The following LSM1 variants were observed in gnomAD, a reference collection of about 807,000 sequenced individuals.
LSM1 encodes U6 snRNA-associated Sm-like protein LSm1.
In LSM1, 13 loss-of-function variants were observed where a neutral mutation model predicts 18.0. That is an observed-to-expected ratio of 0.72 (90% CI 0.47 to 1.15). LSM1 has a LOEUF of 1.15. Ranked by LOEUF, LSM1 falls within the 50% of genes most tolerant of loss-of-function variation. The pLI is 0.00. For missense variants in LSM1, 152 were observed against 157.7 expected (o/e 0.96, Z 0.19); for synonymous variants, 46 against 56.0 (o/e 0.82, Z 0.80).
At chr8:38,175,109 C>G (rs1803105085) in intron 1 of LSM1, among the ~76,000 whole-genome samples, 1 of 132,322 alleles carries the variant, frequency 7.6e-6, no homozygotes, top group Non-Finnish European at 1.6e-5. Flanking sequence ...GAGACGGAGT[C>G]TTGCTCTGTC....
At chr8:38,171,596 G>A (rs919158432) in intron 2 of LSM1, among the ~76,000 whole-genome samples, 2 of 152,222 alleles carry the variant, frequency 1.3e-5, no homozygotes, top group African/African-American at 4.8e-5. Flanking sequence ...GAACCCAAGA[G>A]GCGGAGGTTG....
chr8:38,165,630 G>A (rs1802915070), intron 3 of LSM1, among the ~76,000 whole-genome samples: 1 of 151,452 alleles, frequency 6.6e-6, no homozygotes, highest in Admixed American at 6.6e-5. Flanking sequence ...CCAGGAGGCA[G>A]AGGTTGCAGT....
upstream of LSM1, chr8:38,176,650 G>A (rs1163207118): frequency 1.9e-5 from 11 of 573,848 alleles, no homozygotes; most frequent in Non-Finnish European, 3.3e-5. Flanking sequence ...TAAGGAACAC[G>A]GTGTCTTCCT....
chr8:38,164,374 TC>T (rs1372554779), intron 3 of LSM1, among the ~76,000 whole-genome samples: 1 of 151,840 alleles, frequency 6.6e-6, no homozygotes, highest in African/African-American at 2.4e-5. Context: ...TGATCCAAAA[TC>T]CCATATTAGT....
At chr8:38,164,641 G>A (rs925883171) in intron 3 of LSM1, among the ~76,000 whole-genome samples, 2 of 150,834 alleles carry the variant, frequency 1.3e-5, no homozygotes, top group African/African-American at 2.4e-5. Flanking sequence ...GGGCAACACA[G>A]TGAGACCCTA....
intron 1 of LSM1, among the ~76,000 whole-genome samples, chr8:38,173,669 G>A (rs1803067876): frequency 6.6e-6 from 1 of 152,176 alleles, no homozygotes; most frequent in Non-Finnish European, 1.5e-5. Context: ...CAAGAGTTGG[G>A]AATAAAAGCA....
Position 38,163,804 on chromosome 8 carries a change from C to T in LSM1, c.268G>A (p.Val90Ile), listed in dbSNP as rs1802881332. The change falls in exon 4 of 4, where the codon GTA becomes ATA. Residue 90 changes from valine (V) to isoleucine (I), a missense_variant. Physicochemically the swap from Val to Ile is conservative, Grantham distance 29. Transcript: ENST00000311351. The part of the protein sequence containing the change: ...EKESDTPLQQ[V>I]SIEEILEEQR... ...TCTTCTAGAATTTCTTCAATGGATA[C>T]TTGCTGGAGGGGTGTGTCACTCTCC... The T allele has an allele frequency of 1.2e-6, 2 of 1,614,158 alleles. No individual in the cohort carries two copies. The highest frequency in any genetic ancestry group is 1.7e-6 in the Non-Finnish European group (2 of 1,180,024).
At chr8:38,176,160 C>T (rs1585645430) in intron 1 of LSM1, 115 bp downstream of exon 1, 1 of 851,132 alleles carries the variant, frequency 1.2e-6, no homozygotes, top group East Asian at 2.6e-5. Flanking sequence ...CCGGATTGAG[C>T]TCAGAACACA....
intron 1 of LSM1, among the ~76,000 whole-genome samples, chr8:38,174,169 C>T (rs921339032): frequency 6.6e-6 from 1 of 151,636 alleles, no homozygotes; most frequent in African/African-American, 2.4e-5. Flanking sequence ...GAAAATGACT[C>T]GAGGTTTGGG....
upstream of LSM1, chr8:38,176,541 G>T: frequency 1.7e-6 from 1 of 578,914 alleles, no homozygotes; most frequent in South Asian, 2.3e-5. Context: ...GGAAGAGGCG[G>T]GGCAGCCGTA....
intron 1 of LSM1, among the ~76,000 whole-genome samples, chr8:38,173,709 T>C (rs1803068168): frequency 6.6e-6 from 1 of 152,220 alleles, no homozygotes; most frequent in Non-Finnish European, 1.5e-5. Context: ...TATTAGCTCT[T>C]TGTGATTCTA....
In LSM1 at chr8:38,172,008, A is replaced by C. The variant is rs1297220106; in HGVS notation, c.72T>G (p.Asp24Glu). 2 of 1,612,070 alleles carry C rather than the reference A, an allele frequency of 1.2e-6. No homozygotes were observed. The highest frequency in any genetic ancestry group is 1.7e-6 in the Non-Finnish European group (2 of 1,179,456). The change falls in exon 2 of 4, where the codon GAT becomes GAG. Residue 24 changes from aspartate to glutamate, a missense_variant. By Grantham distance (45) the Asp-to-Glu change is conservative. Transcript: ENST00000311351. ...TTAAAAAGCCTATAAGTGTCCTTCC[A>C]TCTCGAAGCAGAACCAAGTGCTTTT... is the stretch of plus-strand genomic sequence containing the variant. Reference protein sequence around the residue: ...IDKKHLVLLRDGRTLIGFLRS... With the variant: ...IDKKHLVLLREGRTLIGFLRS...
chr8:38,165,645 C>T (rs1802915266), intron 3 of LSM1, among the ~76,000 whole-genome samples: 1 of 148,366 alleles, frequency 6.7e-6, no homozygotes, highest in Non-Finnish European at 1.5e-5. Context: ...TGCAGTGAGC[C>T]AAGATCACAC....
intron 1 of LSM1, 56 bp downstream of exon 1, chr8:38,176,219 C>T (rs1803140448): frequency 6.6e-7 from 1 of 1,517,854 alleles, no homozygotes; most frequent in South Asian, 1.1e-5. Context: ...AAGAGGCGCC[C>T]GCCCGGGAGG....
chr8:38,176,290 T>C lies in LSM1; in HGVS notation c.31A>G (p.Ile11Val). The C allele has an allele frequency of 6.2e-7, 1 of 1,613,740 alleles. No individual in the cohort carries two copies. The highest frequency in any genetic ancestry group is 8.5e-7 in the Non-Finnish European group (1 of 1,179,830). MNYMPGTASL[I>V]EDIDKKHLVL... is the part of the protein sequence containing the mutation. ...AACTACTCACTGTCAATGTCCTCGA[T>C]GAGGCTGGCGGTGCCAGGCATATAG... The change falls in exon 1 of 4, where the codon ATC (isoleucine) becomes GTC (valine). Residue 11 changes from isoleucine to valine, a missense_variant. Physicochemically the swap from Ile to Val is conservative, Grantham distance 29. Coordinates refer to ENST00000311351, the MANE Select transcript of LSM1 (RefSeq NM_014462.3).
chr8:38,167,419 G>A (rs1035427716), intron 3 of LSM1, among the ~76,000 whole-genome samples: 15 of 152,172 alleles, frequency 9.9e-5, no homozygotes, highest in African/African-American at 3.6e-4. Context: ...ATGGCTCACT[G>A]TAGCCTCGAC....
intron 1 of LSM1, among the ~76,000 whole-genome samples, chr8:38,174,430 CTG>C (rs1803082113): frequency 6.6e-6 from 1 of 152,036 alleles, no homozygotes; most frequent in Non-Finnish European, 1.5e-5. Context: ...AAGGAGGAAA[CTG>C]TGTGTTAGGG....
intron 1 of LSM1, among the ~76,000 whole-genome samples, chr8:38,172,828 A>G (rs560354364): frequency 6.6e-6 from 1 of 152,336 alleles, no homozygotes; most frequent in Non-Finnish European, 1.5e-5. Context: ...ATGAAGACTA[A>G]TAATAAGCTA....
intron 3 of LSM1, among the ~76,000 whole-genome samples, chr8:38,167,971 T>C (rs1252708410): frequency 6.6e-6 from 1 of 151,870 alleles, no homozygotes; most frequent in Non-Finnish European, 1.5e-5. Context: ...CAGACTTTTT[T>C]TTTTTTTTGA....
Sources: allele counts gnomAD v4.1 joint callset (sites outside exome capture counted in the v4.1 genomes callset), GRCh38; gene constraint gnomAD v4.1.1; transcripts MANE v1.5; gene names NCBI Gene and HGNC (gene_info 2026-07-23, HGNC 2026-07-21).